Variants in MAFK observed in about 807,000 individuals in gnomAD.
MAFK encodes MAF bZIP transcription factor K.
MAFK carries 1 observed loss-of-function variant against 9.2 expected under a neutral mutation model. The observed-to-expected ratio is 0.11, with a 90% CI of 0.04 to 0.52. MAFK has a LOEUF of 0.52. MAFK is among the 20% of genes least tolerant of loss of function. The pLI, the probability that MAFK is intolerant of heterozygous loss-of-function variation, is 0.94. For missense variants in MAFK, 207 were observed against 236.0 expected (o/e 0.88, Z 0.81); for synonymous variants, 110 against 107.4 (o/e 1.02, Z -0.15).
At chr7:1,537,565 A>G in intron 1 of MAFK, 1 of 985,522 alleles carries the variant, frequency 1.0e-6, no homozygotes, top group Non-Finnish European at 1.2e-6. Flanking sequence ...CGTGGTGCGA[A>G]GGAGCCTGGA....
chr7:1,536,690 C>T (rs1784039110), intron 1 of MAFK, among the ~76,000 whole-genome samples: 1 of 152,256 alleles, frequency 6.6e-6, no homozygotes, highest in African/African-American at 2.4e-5. Context: ...TTTCTTGCCT[C>T]TGATGTTTAA....
In MAFK at chr7:1,539,078, G is replaced by C. The variant is rs1583201903; in HGVS notation, c.-44-71G>C. The C allele has an allele frequency of 2.5e-6, 3 of 1,183,412 alleles. No homozygotes were observed. The East Asian group carries it at 7.1e-5, about 28-fold the overall frequency. The allele number at this position is 1,183,412 out of a possible 1,614,324, so 73.3% of individuals were successfully genotyped here. A position where few individuals can be genotyped will look rare whatever the true frequency, so the allele number is the denominator to read the frequency against. ...CGGGCTGAGAAGCATCCCTGCATGG[G>C]AGGTGGGCACCCTGTCCGGCGCTGC... On this transcript the variant is annotated intron_variant, in intron 1 of 2. Coordinates refer to ENST00000343242, the MANE Select transcript of MAFK (RefSeq NM_002360.4).
intron 1 of MAFK, 130 bp from the exon 2 acceptor site, chr7:1,539,019 C>T (rs1016736351): frequency 1.4e-5 from 10 of 721,948 alleles, no homozygotes; most frequent in African/African-American, 5.4e-5. Flanking sequence ...GATGGTGCCC[C>T]GTCTTGTTTT....
intron 1 of MAFK, among the ~76,000 whole-genome samples, chr7:1,535,039 G>A (rs143384711): frequency 2.4e-4 from 37 of 151,118 alleles, no homozygotes; most frequent in Middle Eastern, 6.9e-3. Flanking sequence ...CCGAGTAGCC[G>A]GGACCATAGG....
At position 1,540,602 on chromosome 7, in the gene MAFK, C is replaced by A. The variant is rs1583204018; in HGVS notation, c.*227C>A. 1 of 541,146 alleles carries A rather than the reference C, an allele frequency of 1.8e-6. No individual in the cohort carries two copies. Among genetic ancestry groups the A allele is most frequent in the Admixed American group, 3.6e-5 (1 of 27,410 alleles). The allele number at this position is 541,146 out of a possible 1,614,324, so 33.5% of individuals were successfully genotyped here. ...TCCACAGACACACTCACGCCCGCCA[C>A]CTGCTCCCCGCAGGATGTGTCTGTG... On this transcript the variant is annotated 3_prime_UTR_variant, in exon 3 of 3. Transcript: ENST00000343242.
Position 1,539,927 on chromosome 7 carries a change from C to G in MAFK, c.37-14C>G. On this transcript the variant is annotated splice_polypyrimidine_tract_variant and intron_variant, in intron 2 of 2. Transcript: ENST00000343242. ...ACGTTCTCCCGCCGCTGACCCCGCA[C>G]TGTGGCCCCCCAGGTCAAGAAGGAG... The G allele has an allele frequency of 6.6e-7, 1 of 1,512,698 alleles. No individual in the cohort carries two copies. Among genetic ancestry groups the G allele is most frequent in the Non-Finnish European group, 8.9e-7 (1 of 1,126,040 alleles). 93.7% of individuals were successfully genotyped at this position (1,512,698 alleles called of 1,614,324 possible).
intron 1 of MAFK, among the ~76,000 whole-genome samples, chr7:1,536,233 C>T (rs77283357): frequency 6.6e-6 from 1 of 152,220 alleles, no homozygotes; most frequent in African/African-American, 2.4e-5. Flanking sequence ...TGGCGCTGAA[C>T]ACTGCACTTC....
chr7:1,538,308 C>T (rs957713579), intron 1 of MAFK: 9 of 985,454 alleles, frequency 9.1e-6, no homozygotes, highest in Non-Finnish European at 1.1e-5. Context: ...CTCGGCAGGG[C>T]GGCGGCTCCC....
rs1480311196 is a variant in MAFK at position 1,539,215 on chromosome 7, A to T, written c.23A>T (p.Asn8Ile). ...GTTATGACGACTAATCCCAAACCGA[A>T]TAAGGCATTAAAGGTAAGGCTGGTT... is the stretch of plus-strand genomic sequence containing the variant. Reference protein sequence around the residue: MTTNPKPNKALKVKKEAG... With the variant: MTTNPKPIKALKVKKEAG... The change falls in exon 2 of 3, where the codon AAT (asparagine) becomes ATT (isoleucine). Residue 8 changes from asparagine (N) to isoleucine (I), a missense_variant. Physicochemically the swap from Asn to Ile is moderately radical, Grantham distance 149. Transcript: ENST00000343242. The T allele has an allele frequency of 1.2e-6, 2 of 1,611,736 alleles. No homozygotes were observed. The highest frequency in any genetic ancestry group is 1.1e-5 in the South Asian group (1 of 90,818).
chr7:1,539,560 C>T lies in MAFK; in HGVS notation c.36+332C>T, dbSNP rs116114540. 1.7e-3 allele frequency among the ~76,000 whole-genome samples: 266 copies of T among 152,248 alleles called. 4 individuals carry two copies. Among genetic ancestry groups the T allele is most frequent in the African/African-American group, 6.0e-3 (251 of 41,534 alleles). ...TGGCCAGCGTGGCCTCTGGTGAACG[C>T]GATGCTCCAGCTCCCAAGGCCCGAG... On this transcript the variant is annotated intron_variant, in intron 2 of 2. Transcript: ENST00000343242.
At chr7:1,538,337 G>T (rs1207041538) in intron 1 of MAFK, 37 of 985,232 alleles carry the variant, frequency 3.8e-5, no homozygotes, top group Non-Finnish European at 4.5e-5. Context: ...CTGGTCTCTG[G>T]CTGCGGCCCC....
chr7:1,539,856 C>T (rs987492150), intron 2 of MAFK, 85 bp from the exon 3 acceptor site: 5 of 1,224,616 alleles, frequency 4.1e-6, no homozygotes, highest in South Asian at 3.1e-5. Context: ...GCAGGGGCAC[C>T]GCTGGGTTCC....
rs1301283306 is a variant in MAFK, at chr7:1,541,103, CAG to C, written c.*735_*736del. On this transcript the variant is annotated 3_prime_UTR_variant, in exon 3 of 3. Coordinates refer to ENST00000343242, the MANE Select transcript of MAFK (RefSeq NM_002360.4). ...GGGGAGGGCCTGTGGGCACACATGGCAGAGAGAGTGGCTCACACGTCGTGAGG... is the reference window on the plus strand; with the variant it reads ...GGGGAGGGCCTGTGGGCACACATGGCAGAGAGTGGCTCACACGTCGTGAGG... The C allele has an allele frequency of 6.5e-6, 1 of 152,848 alleles. No individual in the cohort carries two copies. Among genetic ancestry groups the C allele is most frequent in the Non-Finnish European group, 1.5e-5 (1 of 68,292 alleles). 9.5% of individuals were successfully genotyped at this position (152,848 alleles called of 1,614,324 possible). A position where few individuals can be genotyped will look rare whatever the true frequency, so the allele number is the denominator to read the frequency against.
chr7:1,537,099 C>T (rs930413215), intron 1 of MAFK, among the ~76,000 whole-genome samples: 2 of 152,264 alleles, frequency 1.3e-5, no homozygotes, highest in Non-Finnish European at 2.9e-5. Flanking sequence ...CCCCGGCTAC[C>T]GTGTGCCTCC....
In MAFK at chr7:1,534,204, C is replaced by T. The variant is rs970450947; in HGVS notation, c.-45+3306C>T. ...TTAGTGGGGCTGTGTCCGGGACAGC[C>T]GGACAGTGGGGGCCCTCGCAGTGTA... On this transcript the variant is annotated intron_variant, in intron 1 of 2. Transcript: ENST00000343242. The surrounding 1 kb of genome is among the most constrained non-coding windows in gnomAD (Gnocchi z 4.3). 2 of 454,564 alleles carry T rather than the reference C, an allele frequency of 4.4e-6. No homozygotes were observed. The highest frequency in any genetic ancestry group is 8.9e-6 in the Non-Finnish European group (2 of 225,652). The allele number at this position is 454,564 out of a possible 1,614,324, so 28.2% of individuals were successfully genotyped here.
intron 2 of MAFK, among the ~76,000 whole-genome samples, chr7:1,539,445 G>A (rs960133478): frequency 3.3e-5 from 5 of 152,304 alleles, no homozygotes; most frequent in South Asian, 2.1e-4. Context: ...GGCTGAGGGC[G>A]TGGCAGGGTC....
chr7:1,537,402 G>A (rs1386922357), intron 1 of MAFK: 18 of 985,390 alleles, frequency 1.8e-5, no homozygotes, highest in East Asian at 1.1e-4. Context: ...GTGCACTGAC[G>A]TGCTCGCAGT....
intron 1 of MAFK, chr7:1,538,372 CCA>C: frequency 1.0e-6 from 1 of 985,468 alleles, no homozygotes; most frequent in Non-Finnish European, 1.2e-6. Context: ...CTCAGGAACC[CCA>C]CACCCCCTTG....
At chr7:1,536,087 GT>G (rs1035066907) in intron 1 of MAFK, among the ~76,000 whole-genome samples, 20 of 152,374 alleles carry the variant, frequency 1.3e-4, no homozygotes, top group African/African-American at 4.6e-4. Context: ...GCTGTTCCAA[GT>G]TATAGGTGGT....
Sources: gnomAD v4.1 joint callset for allele counts (sites outside exome capture counted in the v4.1 genomes callset) on GRCh38, gnomAD v4.1.1 for gene constraint, Gnocchi (gnomAD v3.1) non-coding constraint, MANE v1.5 for transcripts, NCBI Gene and HGNC (gene_info 2026-07-23, HGNC 2026-07-21) for gene names.